Variants in TENM3 observed in about 807,000 individuals in gnomAD.
The protein encoded by TENM3 is teneurin transmembrane protein 3.
A neutral mutation model predicts 255.1 loss-of-function variants in TENM3; 63 were observed. The ratio of observed to expected loss-of-function variants is 0.25; its 90% CI spans 0.20 to 0.30. TENM3 has a LOEUF of 0.30. Ranked by LOEUF, TENM3 falls within the 10% of genes least tolerant of loss-of-function variation. The probability of loss-of-function intolerance (pLI) is 1.00; values close to 1 mark genes in which losing one functional copy is unlikely to be tolerated. For synonymous variants in TENM3, 1,306 were observed against 1,322.3 expected (o/e 0.99, Z 0.27); for missense variants, 2,929 against 3,461.1 (o/e 0.85, Z 3.86).
rs890738361 is a variant in TENM3 at position 182,252,705 on chromosome 4, A to G, written c.-76+9229A>G. On this transcript the variant is annotated intron_variant, in intron 1 of 27. Transcript: ENST00000511685. ...GCTCTGGGATACCTTTGGGCTCAGT[A>G]CTTTAGCTGAGAAATTTTATACATA... Among the ~76,000 whole-genome samples the G allele has an allele frequency of 2.6e-5, 4 of 152,340 alleles. No homozygotes were observed. In the East Asian group the frequency reaches 5.8e-4, roughly 22 times the overall value.
At chr4:181,833,929 C>T in the TENM3 span, among the ~76,000 whole-genome samples, 3 of 152,104 alleles carry the variant, frequency 2.0e-5, no homozygotes, top group Non-Finnish European at 4.4e-5. Flanking sequence ...TTAAATCTTG[C>T]TTTCAAAATT....
At chr4:182,143,528 T>G (rs1749630632), upstream of TENM3, 1 of 166,980 alleles carries the variant, frequency 6.0e-6, no homozygotes. The surrounding 1 kb of genome is among the most constrained non-coding windows in gnomAD (Gnocchi z 4.3). Flanking sequence ...GTGACTCAGC[T>G]GACCTGAAAT....
chr4:182,717,706 G>A (rs1759320085), intron 13 of TENM3, among the ~76,000 whole-genome samples: 1 of 152,216 alleles, frequency 6.6e-6, no homozygotes, highest in Non-Finnish European at 1.5e-5. Flanking sequence ...CACTTTGGGA[G>A]CAACTAGTTG....
At chr4:182,305,555 T>G (rs1762085856) in intron 1 of TENM3, among the ~76,000 whole-genome samples, 1 of 152,204 alleles carries the variant, frequency 6.6e-6, no homozygotes, top group Admixed American at 6.5e-5. Flanking sequence ...ATTTTGATGG[T>G]ATTCACTTTA....
intron 3 of TENM3, among the ~76,000 whole-genome samples, chr4:182,546,487 A>G (rs1741461700): frequency 6.6e-6 from 1 of 151,342 alleles, no homozygotes; most frequent in Non-Finnish European, 1.5e-5. Context: ...TCCAGACTGG[A>G]GTTTGTGGCA....
the TENM3 span, among the ~76,000 whole-genome samples, chr4:181,982,262 T>C: frequency 6.6e-6 from 1 of 152,064 alleles, no homozygotes; most frequent in Non-Finnish European, 1.5e-5. Flanking sequence ...AAAGACCACG[T>C]TGAACAAGAA....
chr4:182,447,875 C>T (rs1437450266), intron 3 of TENM3, among the ~76,000 whole-genome samples: 1 of 151,916 alleles, frequency 6.6e-6, no homozygotes, highest in Non-Finnish European at 1.5e-5. Flanking sequence ...ATGGAATGTT[C>T]TGGAAGAAAA....
At chr4:182,616,517 TATA>T (rs374978560) in intron 4 of TENM3, among the ~76,000 whole-genome samples, 25,231 of 50,672 alleles carry the variant, frequency 0.5, 2,942 homozygotes, top group Non-Finnish European at 0.52. Flanking sequence ...AAACTTAAAG[TATA>T]ATAAAAAAAA....
At chr4:181,937,711 T>A in the TENM3 span, among the ~76,000 whole-genome samples, 2 of 152,192 alleles carry the variant, frequency 1.3e-5, no homozygotes, top group Non-Finnish European at 2.9e-5. Context: ...TTACTATAAA[T>A]TGAGTTCAGA....
chr4:181,498,457 C>T, the TENM3 span, among the ~76,000 whole-genome samples: 1 of 146,616 alleles, frequency 6.8e-6, no homozygotes, highest in African/African-American at 2.5e-5. Flanking sequence ...CTCCCTGCTC[C>T]CAGAAAAAAA....
At chr4:182,490,016 A>T (rs567801165) in intron 3 of TENM3, among the ~76,000 whole-genome samples, 1 of 152,296 alleles carries the variant, frequency 6.6e-6, no homozygotes, top group Admixed American at 6.5e-5. Context: ...GTAAAGACCA[A>T]ATTCTGTTGG....
the TENM3 span, among the ~76,000 whole-genome samples, chr4:182,132,215 C>T: frequency 6.6e-6 from 1 of 152,164 alleles, no homozygotes; most frequent in Non-Finnish European, 1.5e-5. Flanking sequence ...CGCAGTGGCT[C>T]ATGCCTATAA....
chr4:182,245,433 C>A (rs1757574720), intron 1 of TENM3, among the ~76,000 whole-genome samples: 1 of 152,208 alleles, frequency 6.6e-6, no homozygotes, highest in Admixed American at 6.5e-5. Context: ...AAGAGTAAAT[C>A]AGAAATTCCA....
the TENM3 span, among the ~76,000 whole-genome samples, chr4:181,501,399 G>A: frequency 6.7e-6 from 1 of 149,534 alleles, no homozygotes; most frequent in Non-Finnish European, 1.5e-5. Flanking sequence ...TTTTTTTTAA[G>A]ATGGAGTCTC....
chr4:182,657,345 T>C (rs942434418), intron 6 of TENM3, among the ~76,000 whole-genome samples: 1 of 152,156 alleles, frequency 6.6e-6, no homozygotes, highest in African/African-American at 2.4e-5. Flanking sequence ...TCTCAGCAGA[T>C]GACCCTGCAT....
At chr4:181,643,100 T>C in the TENM3 span, among the ~76,000 whole-genome samples, 4 of 152,214 alleles carry the variant, frequency 2.6e-5, no homozygotes, top group East Asian at 7.7e-4. Flanking sequence ...TTGGGCAGTA[T>C]GGCCATTTTC....
chr4:181,809,961 T>A, the TENM3 span, among the ~76,000 whole-genome samples: 1 of 152,208 alleles, frequency 6.6e-6, no homozygotes, highest in African/African-American at 2.4e-5. Flanking sequence ...AAGCTCATTT[T>A]GGACTTCTCA....
At chr4:182,041,301 G>A in the TENM3 span, among the ~76,000 whole-genome samples, 1 of 152,106 alleles carries the variant, frequency 6.6e-6, no homozygotes, top group African/African-American at 2.4e-5. Flanking sequence ...AACAGGGACA[G>A]GTATGGGAGG....
chr4:182,455,553 C>CTTTTT (rs568361419), intron 3 of TENM3, among the ~76,000 whole-genome samples: 3 of 73,138 alleles, frequency 4.1e-5, no homozygotes, highest in East Asian at 4.5e-4. Flanking sequence ...CATGGTATTT[C>CTTTTT]TTTTTTTTTT....
Sources: allele counts gnomAD v4.1 joint callset (sites outside exome capture counted in the v4.1 genomes callset), GRCh38; gene constraint gnomAD v4.1.1; non-coding constraint Gnocchi (gnomAD v3.1); transcripts MANE v1.5; gene names NCBI Gene and HGNC (gene_info 2026-07-23, HGNC 2026-07-21).